THRB: variants seen among roughly 807,000 people sequenced by gnomAD.
THRB encodes thyroid hormone receptor beta.
A neutral mutation model predicts 47.8 loss-of-function variants in THRB; 12 were observed. The observed-to-expected ratio is 0.25, with a 90% CI of 0.16 to 0.41. The LOEUF is 0.41. Ranked by LOEUF, THRB falls within the 10% of genes least tolerant of loss-of-function variation. THRB has a pLI of 1.00. For synonymous variants in THRB, 218 were observed against 212.2 expected (o/e 1.03, Z -0.24); for missense variants, 348 against 589.2 (o/e 0.59, Z 4.24).
At chr3:24,330,163 C>T (rs1001272166) in intron 2 of THRB, among the ~76,000 whole-genome samples, 5 of 151,676 alleles carry the variant, frequency 3.3e-5, no homozygotes, top group African/African-American at 9.7e-5. Context: ...AAAAATTAGC[C>T]GGGCGCGGTG....
chr3:24,298,058 G>T (rs1442460810), intron 2 of THRB, among the ~76,000 whole-genome samples: 3 of 152,094 alleles, frequency 2.0e-5, no homozygotes, highest in Admixed American at 6.5e-5. Flanking sequence ...TGAAAACCTT[G>T]TTCTAAAGCA....
chr3:24,213,398 A>T (rs2046259803), intron 4 of THRB, among the ~76,000 whole-genome samples: 1 of 152,202 alleles, frequency 6.6e-6, no homozygotes, highest in Non-Finnish European at 1.5e-5. Flanking sequence ...TTAATTAAAC[A>T]TGCCATGGAC....
chr3:24,227,326 T>C lies in THRB; in HGVS notation c.22+1612A>G, dbSNP rs182450516. The stretch of plus-strand genomic sequence containing the variant: ...AGGCCATCACTCCTCCTGACTGAGA[T>C]TGCCATTCATCCCAACAGAAACATT... On this transcript the variant is annotated intron_variant, in intron 4 of 10. Transcript: ENST00000646209. 3.6e-3 allele frequency among the ~76,000 whole-genome samples: 541 copies of C among 152,346 alleles called. 4 individuals carry two copies. The highest frequency in any genetic ancestry group is 3.1e-3 in the Non-Finnish European group (213 of 68,028).
At chr3:24,199,152 G>A (rs943970262) in intron 4 of THRB, among the ~76,000 whole-genome samples, 2 of 152,152 alleles carry the variant, frequency 1.3e-5, no homozygotes. Flanking sequence ...CAGATAATGT[G>A]TTTTGATATC....
At chr3:24,297,440 G>C (rs1231267493) in intron 2 of THRB, 69 bp from the exon 3 acceptor site, 1 of 152,224 alleles carries the variant, frequency 6.6e-6, no homozygotes, top group East Asian at 1.9e-4. Flanking sequence ...CTTTTACAAA[G>C]CAGTTCTCCT....
intron 2 of THRB, among the ~76,000 whole-genome samples, chr3:24,310,207 G>T (rs2057656463): frequency 6.6e-6 from 1 of 152,030 alleles, no homozygotes; most frequent in African/African-American, 2.4e-5. Flanking sequence ...TTGGGAAAAA[G>T]GAATTCTGTT....
At chr3:24,132,233 C>T (rs999700264) in intron 9 of THRB, among the ~76,000 whole-genome samples, 8 of 152,250 alleles carry the variant, frequency 5.3e-5, no homozygotes, top group Non-Finnish European at 8.8e-5. Flanking sequence ...CACAGCTGTC[C>T]GTGACCCTCT....
intron 4 of THRB, among the ~76,000 whole-genome samples, chr3:24,193,843 T>A (rs1251477529): frequency 2.6e-5 from 4 of 152,184 alleles, no homozygotes; most frequent in Non-Finnish European, 5.9e-5. Flanking sequence ...CAGCACAAAT[T>A]GCAATTGCAA....
intron 3 of THRB, among the ~76,000 whole-genome samples, chr3:24,257,162 GT>G (rs1225472957): frequency 6.6e-6 from 1 of 152,112 alleles, no homozygotes; most frequent in African/African-American, 2.4e-5. Context: ...CATTCACGAT[GT>G]CCTCAATATT....
chr3:24,183,394 T>C (rs2149495006), intron 5 of THRB, among the ~76,000 whole-genome samples: 1 of 141,978 alleles, frequency 7.0e-6, no homozygotes, highest in Non-Finnish European at 1.5e-5. Flanking sequence ...TGAGACAGAG[T>C]CTCACTCTGT....
At chr3:24,255,847 G>C (rs533352199) in intron 3 of THRB, among the ~76,000 whole-genome samples, 2 of 152,342 alleles carry the variant, frequency 1.3e-5, no homozygotes, top group African/African-American at 4.8e-5. Flanking sequence ...AGGGTCTTAA[G>C]TGAAGGAAGT....
At chr3:24,130,915 T>G (rs1159663495) in intron 9 of THRB, among the ~76,000 whole-genome samples, 1 of 152,190 alleles carries the variant, frequency 6.6e-6, no homozygotes, top group East Asian at 1.9e-4. Flanking sequence ...GTAGATGTAT[T>G]CTTTGGAATA....
intron 1 of THRB, among the ~76,000 whole-genome samples, chr3:24,394,918 A>G (rs552443598): frequency 9.9e-5 from 15 of 152,236 alleles, no homozygotes; most frequent in East Asian, 5.8e-4. Flanking sequence ...TAGACTTTAT[A>G]CCAGTGTATA....
chr3:24,289,400 A>C (rs2055685423), intron 3 of THRB, among the ~76,000 whole-genome samples: 1 of 152,244 alleles, frequency 6.6e-6, no homozygotes, highest in South Asian at 2.1e-4. Flanking sequence ...ATTTTAACCT[A>C]CAAAAATGGC....
chr3:24,287,447 C>T (rs575998004), intron 3 of THRB, among the ~76,000 whole-genome samples: 1 of 152,290 alleles, frequency 6.6e-6, no homozygotes, highest in South Asian at 2.1e-4. Context: ...GAGTGGCTTT[C>T]CCAGCCTAGA....
intron 1 of THRB, among the ~76,000 whole-genome samples, chr3:24,352,396 G>A (rs994820509): frequency 6.6e-6 from 1 of 152,162 alleles, no homozygotes; most frequent in African/African-American, 2.4e-5. Context: ...TATGAGGATA[G>A]GGCTGTGAGC....
chr3:24,284,251 G>C (rs1049240787), intron 3 of THRB, among the ~76,000 whole-genome samples: 2 of 151,718 alleles, frequency 1.3e-5, no homozygotes, highest in Admixed American at 1.3e-4. Flanking sequence ...CAACGGAACA[G>C]AACAGAGCCC....
intron 5 of THRB, among the ~76,000 whole-genome samples, chr3:24,170,307 C>G (rs544719410): frequency 1.5e-4 from 23 of 152,310 alleles, no homozygotes; most frequent in African/African-American, 5.5e-4. Flanking sequence ...CTACTTCCTT[C>G]TCTCCGCTGC....
chr3:24,384,365 A>T (rs962102419), intron 1 of THRB, among the ~76,000 whole-genome samples: 1 of 152,190 alleles, frequency 6.6e-6, no homozygotes, highest in Non-Finnish European at 1.5e-5. Flanking sequence ...TATGTGTAGG[A>T]TACTGTTACA....
Sources: gnomAD v4.1 joint callset for allele counts (sites outside exome capture counted in the v4.1 genomes callset) on GRCh38, gnomAD v4.1.1 for gene constraint, MANE v1.5 for transcripts, NCBI Gene and HGNC (gene_info 2026-07-23, HGNC 2026-07-21) for gene names.